The following FLCN variants were observed in gnomAD, a reference collection of about 807,000 sequenced individuals.
FLCN encodes the protein BHD skin lesion fibrofolliculoma protein.
A neutral mutation model predicts 62.5 loss-of-function variants in FLCN; 22 were observed. The ratio of observed to expected loss-of-function variants is 0.35; its 90% CI spans 0.25 to 0.50. The LOEUF is 0.50. Ranked by LOEUF, FLCN falls within the 20% of genes least tolerant of loss-of-function variation. FLCN has a pLI of 0.97. For synonymous variants in FLCN, 319 were observed against 310.0 expected (o/e 1.03, Z -0.30); for missense variants, 657 against 778.0 (o/e 0.84, Z 1.85).
rs1597579765 is a variant in FLCN, at chr17:17,215,200, C to T, written c.1417G>A (p.Val473Ile). 7 of 1,614,182 alleles carry T rather than the reference C, an allele frequency of 4.3e-6. No individual in the cohort carries two copies. The highest frequency in any genetic ancestry group is 5.1e-6 in the Non-Finnish European group (6 of 1,180,034). Reference sequence around the variant, plus strand: ...GGGCACCCACCTCGGTCTGCAGCTACAGGGCTCCCACTGGTCACCACAAAC... The same window carrying T: ...GGGCACCCACCTCGGTCTGCAGCTATAGGGCTCCCACTGGTCACCACAAAC... Reference protein sequence around the residue: ...YEFVVTSGSPVAADRVGPTIL... With the variant: ...YEFVVTSGSPIAADRVGPTIL... Residue 473 changes from valine to isoleucine, a missense_variant, in exon 12 of 14, where the codon GTA (valine) becomes ATA (isoleucine). By Grantham distance (29) the Val-to-Ile change is conservative (BLOSUM62 3). Transcript: ENST00000285071.
chr17:17,229,304 A>G (rs1708617), intron 3 of FLCN: 111,253 of 152,330 alleles, frequency 0.73, 41,081 homozygotes, highest in East Asian at 0.84. Context: ...GGAGCTCCAG[A>G]GTCACCCCAG....
rs2046940203 is a variant in FLCN at position 17,216,852 on chromosome 17, C to T, written c.1176+217G>A. 8.0e-6 allele frequency: 5 copies of T among 627,474 alleles called. No homozygotes were observed. The highest frequency in any genetic ancestry group is 1.1e-5 in the Non-Finnish European group (4 of 349,472). The allele number at this position is 627,474 out of a possible 1,614,324, so 38.9% of individuals were successfully genotyped here. A position where few individuals can be genotyped will look rare whatever the true frequency, so the allele number is the denominator to read the frequency against. On this transcript the variant is annotated intron_variant, in intron 10 of 13. Transcript: ENST00000285071. The surrounding 1 kb of genome is among the most constrained non-coding windows in gnomAD (Gnocchi z 4.0). Reference sequence around the variant, plus strand: ...TGTCATATGCATTTTTGTTCCCTCTCAGGCCTGGGCAGTCAGCAGGCACAC... The same window carrying T: ...TGTCATATGCATTTTTGTTCCCTCTTAGGCCTGGGCAGTCAGCAGGCACAC...
Position 17,230,761 on chromosome 17 carries a change from C to T in FLCN, c.-25+1033G>A, listed in dbSNP as rs191255598. On this transcript the variant is annotated intron_variant, in intron 3 of 13. Coordinates refer to ENST00000285071, the MANE Select transcript of FLCN (RefSeq NM_144997.7). ...AAAAAAAAGTAGCCTGGAGTGGTGG[C>T]GCACGCTTGTAGTCCCAACTACTTG... is the stretch of plus-strand genomic sequence containing the variant. Among the ~76,000 whole-genome samples, 646 of 148,664 alleles carry T rather than the reference C, an allele frequency of 4.3e-3. 5 individuals are homozygous for T. The highest frequency in any genetic ancestry group is 0.015 in the African/African-American group (620 of 40,432).
Position 17,237,021 on chromosome 17 carries a change from C to G in FLCN, c.-337G>C, listed in dbSNP as rs537792180. On this transcript the variant is annotated 5_prime_UTR_variant, in exon 1 of 14. Transcript: ENST00000285071. ...CTGGGTAGGTGGTCGCTGCGGGACCCGGACCGGCGGAATCACACCCAGAGC... is the reference window on the plus strand; with the variant it reads ...CTGGGTAGGTGGTCGCTGCGGGACCGGGACCGGCGGAATCACACCCAGAGC... 1 of 152,234 alleles carries G rather than the reference C, an allele frequency of 6.6e-6. No individual in the cohort carries two copies. The highest frequency in any genetic ancestry group is 1.5e-5 in the Non-Finnish European group (1 of 68,068). 9.4% of individuals were successfully genotyped at this position (152,234 alleles called of 1,614,324 possible).
At chr17:17,225,125 A>G (rs891426405) in intron 5 of FLCN, 7 of 152,294 alleles carry the variant, frequency 4.6e-5, no homozygotes, top group African/African-American at 1.7e-4. Flanking sequence ...CAACAGCAGC[A>G]GCGACGTAGT....
intron 2 of FLCN, among the ~76,000 whole-genome samples, chr17:17,232,326 T>G (rs1012340789): frequency 1.3e-5 from 2 of 152,168 alleles, no homozygotes; most frequent in Admixed American, 6.5e-5. Flanking sequence ...ATCGCAGAAC[T>G]GCGCCTCCAA....
chr17:17,225,710 T>C (rs1332968610), intron 5 of FLCN: 3 of 261,670 alleles, frequency 1.1e-5, no homozygotes, highest in African/African-American at 6.7e-5. Flanking sequence ...GACTCTGTCT[T>C]AACAACAACA....
chr17:17,226,460 T>TG, intron 4 of FLCN, 138 bp from the exon 5 acceptor site: 1 of 1,039,804 alleles, frequency 9.6e-7, no homozygotes, highest in Non-Finnish European at 1.4e-6. Flanking sequence ...TATACTTATC[T>TG]GAAGATTTAA....
intron 8 of FLCN, 139 bp downstream of exon 8, chr17:17,221,398 T>G (rs1597598303): frequency 6.2e-7 from 1 of 1,609,980 alleles, no homozygotes; most frequent in East Asian, 2.2e-5. Context: ...GATCGGAGGG[T>G]GAGCTTCCCG....
At chr17:17,228,612 ATGCAGCTTACCTCC>A in intron 3 of FLCN, 1 of 171,262 alleles carries the variant, frequency 5.8e-6, no homozygotes, top group Admixed American at 5.6e-5. Flanking sequence ...TACTGCCCTC[ATGCAGCTTACCTCC>A]TGCAGGGGGT....
intron 13 of FLCN, 125 bp from the exon 14 acceptor site, chr17:17,213,981 C>T: frequency 9.6e-7 from 1 of 1,043,380 alleles, no homozygotes; most frequent in Non-Finnish European, 1.5e-6. Flanking sequence ...AGCTGGAATC[C>T]ACACCCTTGG....
At position 17,213,610 on chromosome 17, in the gene FLCN, C is replaced by T; in HGVS notation, c.*45G>A. The T allele has an allele frequency of 6.2e-7, 1 of 1,612,280 alleles. No homozygotes were observed. The highest frequency in any genetic ancestry group is 8.5e-7 in the Non-Finnish European group (1 of 1,178,400). ...AGTCCCTCTCACGGGGCTGGAGGAT[C>T]CTGTGGACAGCCATCCCTGTCTTTA... On this transcript the variant is annotated 3_prime_UTR_variant, in exon 14 of 14. Coordinates refer to ENST00000285071, the MANE Select transcript of FLCN (RefSeq NM_144997.7).
At chr17:17,215,633 G>C (rs898780696) in intron 11 of FLCN, among the ~76,000 whole-genome samples, 1 of 152,188 alleles carries the variant, frequency 6.6e-6, no homozygotes, top group African/African-American at 2.4e-5. Flanking sequence ...CTACAGATGG[G>C]GAAACAGGCC....
chr17:17,219,514 C>A, intron 8 of FLCN: 1 of 160,574 alleles, frequency 6.2e-6, no homozygotes, highest in Non-Finnish European at 1.1e-5. Flanking sequence ...ACGGAACACA[C>A]CCAGTCGGCC....
rs944715642 is a variant in FLCN, at chr17:17,237,039, C to G, written c.-355G>C. 1 of 152,286 alleles carries G rather than the reference C, an allele frequency of 6.6e-6. No individual in the cohort carries two copies. Among genetic ancestry groups the G allele is most frequent in the African/African-American group, 2.4e-5 (1 of 41,454 alleles). The allele number at this position is 152,286 out of a possible 1,614,324, so 9.4% of individuals were successfully genotyped here. On this transcript the variant is annotated 5_prime_UTR_variant, in exon 1 of 14. Transcript: ENST00000285071. ...CGGGACCCGGACCGGCGGAATCACA[C>G]CCAGAGCCCCCAAGCCCACGGCAGG... is the stretch of plus-strand genomic sequence containing the variant.
intron 11 of FLCN, among the ~76,000 whole-genome samples, chr17:17,215,546 A>G (rs1349636974): frequency 3.3e-5 from 5 of 152,230 alleles, no homozygotes; most frequent in Admixed American, 3.3e-4. Context: ...TATTACAATA[A>G]TCACAAAGTA....
At chr17:17,214,131 C>G (rs1169879413) in intron 13 of FLCN, among the ~76,000 whole-genome samples, 1 of 145,186 alleles carries the variant, frequency 6.9e-6, no homozygotes, top group Non-Finnish European at 1.5e-5. Context: ...AAGCTGTTGT[C>G]AAGACGCCAA....
chr17:17,218,999 G>A lies in FLCN; in HGVS notation c.1062+20C>T, dbSNP rs1332638263. Reference sequence around the variant, plus strand: ...GGCTCTCCTCCTGAGCTCCTGATGCGCTGTGCCCCTGCCGCCTACCTGCCT... The same window carrying A: ...GGCTCTCCTCCTGAGCTCCTGATGCACTGTGCCCCTGCCGCCTACCTGCCT... On this transcript the variant is annotated intron_variant, in intron 9 of 13. Coordinates refer to ENST00000285071, the MANE Select transcript of FLCN (RefSeq NM_144997.7). 6.2e-6 allele frequency: 10 copies of A among 1,611,792 alleles called. No homozygotes were observed. The highest frequency in any genetic ancestry group is 1.3e-5 in the African/African-American group (1 of 74,968).
intron 6 of FLCN, chr17:17,222,926 G>A: frequency 4.0e-6 from 2 of 494,390 alleles, no homozygotes; most frequent in South Asian, 3.9e-5. Flanking sequence ...GGCACCCAGG[G>A]GGATTCTCGT....
Sources: gnomAD v4.1 joint callset for allele counts (sites outside exome capture counted in the v4.1 genomes callset) on GRCh38, gnomAD v4.1.1 for gene constraint, Gnocchi (gnomAD v3.1) non-coding constraint, MANE v1.5 for transcripts, NCBI Gene and HGNC (gene_info 2026-07-23, HGNC 2026-07-21) for gene names.